Variants in VAV3 observed in about 807,000 individuals in gnomAD.
VAV3 encodes the protein vav guanine nucleotide exchange factor 3, also known as guanine nucleotide exchange factor VAV3.
A neutral mutation model predicts 131.2 loss-of-function variants in VAV3; 94 were observed. The ratio of observed to expected loss-of-function variants is 0.72; its 90% CI spans 0.61 to 0.85. The LOEUF (loss-of-function observed/expected upper bound fraction) is 0.85. VAV3 is among the 40% of genes least tolerant of loss of function. The probability of loss-of-function intolerance (pLI) is 0.00; values close to 1 mark genes in which losing one functional copy is unlikely to be tolerated. For synonymous variants in VAV3, 349 were observed against 342.0 expected (o/e 1.02, Z -0.22); for missense variants, 939 against 1,002.7 (o/e 0.94, Z 0.86).
chr1:107,911,781 T>C (rs1325438144), intron 1 of VAV3, among the ~76,000 whole-genome samples: 2 of 152,138 alleles, frequency 1.3e-5, no homozygotes, highest in African/African-American at 2.4e-5. Context: ...AATGTAAAAA[T>C]GAGAGTTCGT....
intron 15 of VAV3, among the ~76,000 whole-genome samples, chr1:107,738,957 T>C (rs1662847232): frequency 1.3e-5 from 2 of 152,302 alleles, no homozygotes; most frequent in East Asian, 1.9e-4. Context: ...TTATTGTTCA[T>C]TTAAAAAGAA....
At chr1:107,917,560 A>C (rs184860750) in intron 1 of VAV3, among the ~76,000 whole-genome samples, 1 of 152,306 alleles carries the variant, frequency 6.6e-6, no homozygotes, top group Admixed American at 6.5e-5. Flanking sequence ...TGACTAAAAG[A>C]ATGATGATAC....
intron 1 of VAV3, among the ~76,000 whole-genome samples, chr1:107,891,969 G>T (rs1671331142): frequency 6.6e-6 from 1 of 151,410 alleles, no homozygotes; most frequent in Admixed American, 6.6e-5. Context: ...AAATGTAGAT[G>T]ATTCTATCTT....
chr1:107,931,070 C>G (rs1179825079), intron 1 of VAV3, among the ~76,000 whole-genome samples: 1 of 152,110 alleles, frequency 6.6e-6, no homozygotes, highest in African/African-American at 2.4e-5. Context: ...AAGTGACTCA[C>G]AGGTAATATT....
At chr1:107,682,728 A>G (rs1453564166) in intron 19 of VAV3, among the ~76,000 whole-genome samples, 1 of 152,232 alleles carries the variant, frequency 6.6e-6, no homozygotes, top group Non-Finnish European at 1.5e-5. Context: ...AATGAAACAC[A>G]TAGTCCAGAT....
intron 2 of VAV3, among the ~76,000 whole-genome samples, chr1:107,782,725 G>A (rs997524987): frequency 6.6e-6 from 1 of 152,158 alleles, no homozygotes; most frequent in Non-Finnish European, 1.5e-5. Context: ...TTAGAACAAT[G>A]TGTATTCTAT....
chr1:107,682,565 G>A (rs916270699), intron 19 of VAV3, among the ~76,000 whole-genome samples: 2 of 151,888 alleles, frequency 1.3e-5, no homozygotes, highest in East Asian at 1.9e-4. Context: ...CACAAGTGAG[G>A]CAATTTCTAG....
chr1:107,914,587 T>A (rs544716599), intron 1 of VAV3, among the ~76,000 whole-genome samples: 1 of 152,340 alleles, frequency 6.6e-6, no homozygotes, highest in Non-Finnish European at 1.5e-5. Flanking sequence ...ACGGGAAGTA[T>A]CTCTGTTCTT....
chr1:107,798,843 G>A (rs939402596), intron 2 of VAV3, among the ~76,000 whole-genome samples: 1 of 150,958 alleles, frequency 6.6e-6, no homozygotes, highest in African/African-American at 2.4e-5. Flanking sequence ...TTTCTATACT[G>A]TTAGAAATTT....
At chr1:107,660,608 G>A (rs1340588325) in intron 19 of VAV3, among the ~76,000 whole-genome samples, 1 of 152,172 alleles carries the variant, frequency 6.6e-6, no homozygotes, top group Non-Finnish European at 1.5e-5. Context: ...AAGTGAAGGA[G>A]ATCCTAGGAG....
intron 2 of VAV3, among the ~76,000 whole-genome samples, chr1:107,859,078 T>TG (rs1195562951): frequency 6.6e-6 from 1 of 151,702 alleles, no homozygotes; most frequent in Non-Finnish European, 1.5e-5. Flanking sequence ...GAGGAGTTTT[T>TG]TTTTTTTTTT....
At chr1:107,831,962 C>T (rs567302144) in intron 2 of VAV3, among the ~76,000 whole-genome samples, 22 of 152,202 alleles carry the variant, frequency 1.4e-4, no homozygotes, top group Non-Finnish European at 2.5e-4. Flanking sequence ...TAAACCACAG[C>T]CTTGCCTACA....
At chr1:107,690,177 T>C (rs954701736) in intron 17 of VAV3, among the ~76,000 whole-genome samples, 4 of 152,198 alleles carry the variant, frequency 2.6e-5, no homozygotes, top group Non-Finnish European at 4.4e-5. Flanking sequence ...CCCATAGAAG[T>C]GTTTTTAGGT....
At chr1:107,879,362 C>A (rs1400113045) in intron 1 of VAV3, among the ~76,000 whole-genome samples, 1 of 152,174 alleles carries the variant, frequency 6.6e-6, no homozygotes, top group African/African-American at 2.4e-5. Context: ...GGCTCATATA[C>A]ACAGGATTGG....
chr1:107,587,150 T>A (rs1204442352), intron 25 of VAV3, among the ~76,000 whole-genome samples: 4 of 152,102 alleles, frequency 2.6e-5, no homozygotes, highest in Non-Finnish European at 5.9e-5. Flanking sequence ...GACGTGAGTA[T>A]GATATAGTAT....
intron 2 of VAV3, among the ~76,000 whole-genome samples, chr1:107,832,074 T>C (rs1430996413): frequency 6.6e-6 from 1 of 152,102 alleles, no homozygotes; most frequent in Non-Finnish European, 1.5e-5. Flanking sequence ...CATCCAGGTG[T>C]GAAGTAAAGT....
chr1:107,592,739 C>T (rs1447263248), intron 25 of VAV3, among the ~76,000 whole-genome samples: 1 of 152,110 alleles, frequency 6.6e-6, no homozygotes, highest in African/African-American at 2.4e-5. Context: ...AAGCTAAGGT[C>T]CAGACAGGCT....
At chr1:107,669,363 G>A in intron 19 of VAV3, 1 of 1,289,680 alleles carries the variant, frequency 7.8e-7, no homozygotes. Flanking sequence ...AAACCTCAAG[G>A]CTGCATTTTC....
intron 1 of VAV3, among the ~76,000 whole-genome samples, chr1:107,884,405 TTTATTATTATTATTATTA>T (rs140793122): frequency 1.9e-3 from 270 of 141,692 alleles, no homozygotes; most frequent in African/African-American, 6.1e-3. Context: ...AAATAAATTA[TTTATTATTATTATTATTA>T]TTATTATTAT....
Sources: allele counts gnomAD v4.1 joint callset (sites outside exome capture counted in the v4.1 genomes callset), GRCh38; gene constraint gnomAD v4.1.1; transcripts MANE v1.5; gene names NCBI Gene and HGNC (gene_info 2026-07-23, HGNC 2026-07-21).